Variants in PEX2 observed in about 807,000 individuals in gnomAD.
PEX2 encodes peroxisomal biogenesis factor 2, also known as peroxisome biogenesis factor 2.
In PEX2, 19 loss-of-function variants were observed where a neutral mutation model predicts 25.2. That is an observed-to-expected ratio of 0.75 (90% CI 0.53 to 1.10). The LOEUF (loss-of-function observed/expected upper bound fraction) is 1.10. Ranked by LOEUF, PEX2 falls within the 50% of genes least tolerant of loss-of-function variation. PEX2 has a pLI of 0.00. For synonymous variants in PEX2, 141 were observed against 127.7 expected, an observed-to-expected ratio of 1.10 and a Z score of -0.70; for missense variants, 347 against 350.6, an observed-to-expected ratio of 0.99 and a Z score of 0.08.
chr8:77,000,154 T>TA (rs1172057295), upstream of PEX2: 9 of 334,996 alleles, frequency 2.7e-5, no homozygotes, highest in South Asian at 1.6e-4. Flanking sequence ...AAGAAAAAGT[T>TA]ACACCAACGA....
In PEX2 at chr8:76,988,316, A is replaced by C. The variant is rs539882769; in HGVS notation, c.-137T>G. The C allele has an allele frequency of 6.6e-6, 1 of 152,332 alleles. No homozygotes were observed. The allele number at this position is 152,332 out of a possible 1,614,324, so 9.4% of individuals were successfully genotyped here. On this transcript the variant is annotated 5_prime_UTR_variant, in exon 2 of 4. Transcript: ENST00000357039. ...AAGAAAACAGGCATACCTCAGAGAC[A>C]CTGCAGGTTAGGTTCCAGACCACTG...
upstream of PEX2, chr8:77,000,266 C>T: frequency 3.3e-6 from 1 of 303,876 alleles, no homozygotes; most frequent in Non-Finnish European, 6.4e-6. Flanking sequence ...AAGCGGACAC[C>T]CGCGCGCGGT....
intron 1 of PEX2, among the ~76,000 whole-genome samples, chr8:76,989,151 C>T (rs1807090508): frequency 6.6e-6 from 1 of 151,698 alleles, no homozygotes; most frequent in African/African-American, 2.4e-5. Context: ...TGTTCACCAG[C>T]CTGAGTGCCA....
chr8:76,994,165 C>A (rs1338181299), intron 1 of PEX2, among the ~76,000 whole-genome samples: 2 of 152,120 alleles, frequency 1.3e-5, no homozygotes, highest in Non-Finnish European at 1.5e-5. Context: ...TTACTAAGAG[C>A]AGCAATATAT....
chr8:76,992,232 G>C (rs896327819), intron 1 of PEX2, among the ~76,000 whole-genome samples: 12 of 152,118 alleles, frequency 7.9e-5, no homozygotes, highest in Admixed American at 7.2e-4. Context: ...CGCATGACCT[G>C]CTCCTGTCAT....
At chr8:76,996,723 C>T (rs1379947014) in intron 1 of PEX2, among the ~76,000 whole-genome samples, 3 of 152,148 alleles carry the variant, frequency 2.0e-5, no homozygotes, top group African/African-American at 7.2e-5. Context: ...AACAAAGAGC[C>T]ATTAGCAATG....
intron 3 of PEX2, among the ~76,000 whole-genome samples, chr8:76,984,429 T>C (rs987376847): frequency 6.6e-6 from 1 of 152,194 alleles, no homozygotes; most frequent in African/African-American, 2.4e-5. Context: ...TTTTCTTTTT[T>C]CTTGACCCTC....
chr8:76,990,726 T>C (rs903165252), intron 1 of PEX2, among the ~76,000 whole-genome samples: 66 of 152,136 alleles, frequency 4.3e-4, no homozygotes, highest in African/African-American at 1.5e-3. Flanking sequence ...CCATCTTATA[T>C]GGATACAGTT....
chr8:76,985,112 T>C (rs923800310), intron 3 of PEX2, among the ~76,000 whole-genome samples: 60 of 149,972 alleles, frequency 4.0e-4, no homozygotes, highest in African/African-American at 1.3e-3. Context: ...GTCACTGCCA[T>C]AATCCAGTAT....
chr8:76,990,977 A>G (rs915074603), intron 1 of PEX2, among the ~76,000 whole-genome samples: 8 of 152,232 alleles, frequency 5.3e-5, no homozygotes, highest in Non-Finnish European at 1.2e-4. Flanking sequence ...AAGAAAGCAC[A>G]GTAAAATATA....
intron 2 of PEX2, chr8:76,986,518 C>T (rs1255938684): frequency 1.3e-5 from 2 of 152,380 alleles, no homozygotes; most frequent in East Asian, 3.9e-4. Context: ...AGTGCATTCT[C>T]CACACTGCCA....
chr8:76,982,584 G>C lies in PEX2; in HGVS notation c.*677C>G, dbSNP rs1403173602. On this transcript the variant is annotated 3_prime_UTR_variant, in exon 4 of 4. Coordinates refer to ENST00000357039, the MANE Select transcript of PEX2 (RefSeq NM_000318.3). ...CTCAGCACTTTGGGAGGCTGACGCA[G>C]GTGGATCACCAGATCAGGAGATAGA... is the stretch of plus-strand genomic sequence containing the variant. 6.6e-6 allele frequency: 1 copy of C among 152,306 alleles called. No homozygotes were observed. The highest frequency in any genetic ancestry group is 2.4e-5 in the African/African-American group (1 of 41,412). 9.4% of individuals were successfully genotyped at this position (152,306 alleles called of 1,614,324 possible). A position where few individuals can be genotyped will look rare whatever the true frequency, so the allele number is the denominator to read the frequency against.
chr8:76,990,689 T>G (rs1460136332), intron 1 of PEX2, among the ~76,000 whole-genome samples: 7 of 151,960 alleles, frequency 4.6e-5, no homozygotes, highest in African/African-American at 1.7e-4. Flanking sequence ...ATACAGTTCT[T>G]GGTGCCCCAG....
At chr8:76,997,052 A>T (rs530012033) in intron 1 of PEX2, among the ~76,000 whole-genome samples, 30 of 152,372 alleles carry the variant, frequency 2.0e-4, no homozygotes, top group African/African-American at 7.2e-4. Context: ...ATCATTCAAA[A>T]GACCAGACTG....
At chr8:76,995,434 C>A (rs1011913204) in intron 1 of PEX2, among the ~76,000 whole-genome samples, 19 of 151,936 alleles carry the variant, frequency 1.3e-4, no homozygotes, top group Non-Finnish European at 2.8e-4. Flanking sequence ...TTCAAAGTTG[C>A]ACATATTTCT....
chr8:76,995,551 T>C (rs944969442), intron 1 of PEX2, among the ~76,000 whole-genome samples: 5 of 152,150 alleles, frequency 3.3e-5, no homozygotes, highest in Non-Finnish European at 5.9e-5. Context: ...AAGATTATAT[T>C]GAGTCTTACA....
intron 1 of PEX2, among the ~76,000 whole-genome samples, chr8:76,989,635 G>A (rs1807106796): frequency 1.3e-5 from 2 of 152,130 alleles, no homozygotes; most frequent in African/African-American, 4.8e-5. Context: ...GTACATCTTC[G>A]TCAGAGCTCT....
rs1403113836 is a variant in PEX2 at position 76,983,762 on chromosome 8, C to A, written c.417G>T (p.Val139=). 6.2e-7 allele frequency: 1 copy of A among 1,614,018 alleles called. No individual in the cohort carries two copies. The highest frequency in any genetic ancestry group is 1.1e-5 in the South Asian group (1 of 91,086). ...ATTTCAAAAGTCCAATCACAAAATTCACACACTGCTTGACTTTCCCAAATG... is the reference window on the plus strand; with the variant it reads ...ATTTCAAAAGTCCAATCACAAAATTAACACACTGCTTGACTTTCCCAAATG... The part of the protein sequence containing the change: ...LASFGKVKQC[V]NFVIGLLKLG... Residue 139 remains valine (V), a synonymous_variant, in exon 4 of 4, where the codon GTG becomes GTT. Transcript: ENST00000357039.
Position 76,983,583 on chromosome 8 carries a change from C to T in PEX2, c.596G>A (p.Gly199Asp). Residue 199 changes from glycine to aspartate, a missense_variant, in exon 4 of 4, where the codon GGT (glycine) becomes GAT (aspartate). Gly to Asp is a moderately conservative substitution (Grantham distance 94). Coordinates refer to ENST00000357039, the MANE Select transcript of PEX2 (RefSeq NM_000318.3). ...GAGAAAAATCAGAAATTCAGCAAAA[C>T]CATGCCAGAGAAGTTCCCTATTCAT... The part of the protein sequence containing the change: ...EYMNRELLWH[G>D]FAEFLIFLLP... 2 of 1,614,112 alleles carry T rather than the reference C, an allele frequency of 1.2e-6. No homozygotes were observed. The highest frequency in any genetic ancestry group is 2.2e-5 in the South Asian group (2 of 91,078).
Sources: gnomAD v4.1 joint callset for allele counts (sites outside exome capture counted in the v4.1 genomes callset) on GRCh38, gnomAD v4.1.1 for gene constraint, MANE v1.5 for transcripts, NCBI Gene and HGNC (gene_info 2026-07-23, HGNC 2026-07-21) for gene names.